The following COL22A1 variants were observed in gnomAD, a reference collection of about 807,000 sequenced individuals.
COL22A1 encodes the protein collagen alpha-1(XXII) chain.
A neutral mutation model predicts 248.9 loss-of-function variants in COL22A1; 221 were observed. The observed-to-expected ratio is 0.89, with a 90% CI of 0.80 to 0.99. COL22A1 has a LOEUF of 0.99. Among genes scored for constraint, COL22A1 ranks in the 50% least tolerant of loss-of-function variants. The probability of loss-of-function intolerance (pLI) is 0.00; values close to 1 mark genes in which losing one functional copy is unlikely to be tolerated. For missense variants in COL22A1, 2,240 were observed against 2,179.0 expected, an observed-to-expected ratio of 1.03 and a Z score of -0.56; for synonymous variants, 891 against 793.4, an observed-to-expected ratio of 1.12 and a Z score of -2.07.
intron 1 of COL22A1, among the ~76,000 whole-genome samples, chr8:138,902,523 C>T (rs62522072): frequency 0.12 from 18,922 of 151,656 alleles, 1,174 homozygotes; most frequent in Middle Eastern, 0.17. Flanking sequence ...TGGTGAAACC[C>T]GGTCTCTACT....
At chr8:138,909,684 G>C (rs1256038376) in intron 1 of COL22A1, among the ~76,000 whole-genome samples, 1 of 152,230 alleles carries the variant, frequency 6.6e-6, no homozygotes, top group Non-Finnish European at 1.5e-5. Flanking sequence ...TGGACAGCAA[G>C]AGGGAGGTAG....
At chr8:138,871,426 C>A (rs1447491692) in intron 3 of COL22A1, among the ~76,000 whole-genome samples, 4 of 152,220 alleles carry the variant, frequency 2.6e-5, no homozygotes, top group African/African-American at 9.6e-5. Context: ...GCCTATCAAT[C>A]TTGGCTTGCA....
chr8:138,615,928 T>C, intron 55 of COL22A1, 73 bp downstream of exon 55: 1 of 1,106,604 alleles, frequency 9.0e-7, no homozygotes, highest in Non-Finnish European at 1.4e-6. Context: ...TGTGGGGCAG[T>C]TTCTGGGTGT....
chr8:138,751,870 T>TGC (rs1336738625), intron 21 of COL22A1, among the ~76,000 whole-genome samples: 1 of 152,210 alleles, frequency 6.6e-6, no homozygotes, highest in Non-Finnish European at 1.5e-5. Flanking sequence ...CCCTGCAGCC[T>TGC]GCTGGCTCAG....
intron 1 of COL22A1, among the ~76,000 whole-genome samples, chr8:138,897,259 T>C (rs557309311): frequency 6.6e-6 from 1 of 151,942 alleles, no homozygotes; most frequent in South Asian, 2.1e-4. Flanking sequence ...CCACAAATAA[T>C]AGCTTAGGCC....
In COL22A1 at chr8:138,614,772, A is replaced by G. The variant is rs1819180506; in HGVS notation, c.3925-852T>C. On this transcript the variant is annotated intron_variant, in intron 55 of 64. Coordinates refer to ENST00000303045, the MANE Select transcript of COL22A1 (RefSeq NM_152888.3). ...CTTTTAGGTGTATGCACAGGGCTCC[A>G]CACACTGATCTTATAAGACAGATTC... is the stretch of plus-strand genomic sequence containing the variant. Among the ~76,000 whole-genome samples the G allele has an allele frequency of 2.0e-5, 3 of 152,314 alleles. No homozygotes were observed. The South Asian group carries it at 6.2e-4, about 32-fold the overall frequency.
At chr8:138,630,853 C>A (rs1374819697) in intron 49 of COL22A1, 105 bp from the exon 50 acceptor site, 5 of 967,152 alleles carry the variant, frequency 5.2e-6, no homozygotes, top group Non-Finnish European at 8.2e-6. Flanking sequence ...GTTATCTGTC[C>A]CCTCCAAATC....
At chr8:138,807,869 C>A in intron 9 of COL22A1, 57 bp from the exon 10 acceptor site, 3 of 1,560,910 alleles carry the variant, frequency 1.9e-6, no homozygotes, top group South Asian at 2.2e-5. Context: ...CCCTTTCTCT[C>A]AACACTGGAT....
chr8:138,671,680 C>T (rs1225076259), intron 41 of COL22A1, among the ~76,000 whole-genome samples: 8 of 152,194 alleles, frequency 5.3e-5, no homozygotes, highest in East Asian at 3.8e-4. Flanking sequence ...GGTTCTTCCA[C>T]GGAGCAGAGA....
intron 36 of COL22A1, among the ~76,000 whole-genome samples, chr8:138,690,324 A>C (rs1215938440): frequency 6.6e-6 from 1 of 152,204 alleles, no homozygotes; most frequent in African/African-American, 2.4e-5. Flanking sequence ...GGGCCTCGAC[A>C]TGGAAAAGGC....
intron 46 of COL22A1, among the ~76,000 whole-genome samples, chr8:138,649,267 A>T (rs970666902): frequency 6.6e-6 from 1 of 152,228 alleles, no homozygotes; most frequent in Non-Finnish European, 1.5e-5. Flanking sequence ...GATTGAATGC[A>T]TGCATGAATG....
chr8:138,590,123 C>A (rs1276082327), intron 64 of COL22A1, among the ~76,000 whole-genome samples: 1 of 152,048 alleles, frequency 6.6e-6, no homozygotes, highest in Non-Finnish European at 1.5e-5. Context: ...ATATAATCAA[C>A]CTATCTTTCT....
intron 9 of COL22A1, among the ~76,000 whole-genome samples, 199 bp from the exon 10 acceptor site, chr8:138,808,011 T>A (rs900718247): frequency 1.3e-5 from 2 of 152,180 alleles, no homozygotes; most frequent in African/African-American, 2.4e-5. Context: ...ACGGGAAGCT[T>A]TGGCACAGCC....
At chr8:138,854,185 G>T (rs912230129) in intron 3 of COL22A1, among the ~76,000 whole-genome samples, 1 of 152,128 alleles carries the variant, frequency 6.6e-6, no homozygotes, top group Non-Finnish European at 1.5e-5. Flanking sequence ...TGTTCTGTTG[G>T]GAGGTTATGA....
At chr8:138,717,562 CA>C (rs112011826) in intron 27 of COL22A1, among the ~76,000 whole-genome samples, 12 of 152,044 alleles carry the variant, frequency 7.9e-5, no homozygotes, top group African/African-American at 2.7e-4. Flanking sequence ...CTCTTGGGCT[CA>C]AAAAATTATC....
chr8:138,883,971 T>C (rs1188659597), intron 1 of COL22A1, among the ~76,000 whole-genome samples: 1 of 152,146 alleles, frequency 6.6e-6, no homozygotes, highest in Non-Finnish European at 1.5e-5. Flanking sequence ...CTGTCCAGCC[T>C]GGCCTCTCAC....
chr8:138,811,689 C>A, intron 9 of COL22A1, 110 bp downstream of exon 9: 1 of 1,288,056 alleles, frequency 7.8e-7, no homozygotes, highest in South Asian at 1.2e-5. Flanking sequence ...CAGCTGACAG[C>A]CATGGGCCTC....
At chr8:138,744,467 TACACACACACACACCAC>T (rs1563700714) in intron 22 of COL22A1, among the ~76,000 whole-genome samples, 1 of 148,058 alleles carries the variant, frequency 6.8e-6, no homozygotes, top group Non-Finnish European at 1.5e-5. Flanking sequence ...TGCACATGGA[TACACACACACACACCAC>T]ACACACACAC....
chr8:138,883,072 G>A lies in COL22A1; in HGVS notation c.91+10C>T, dbSNP rs770934638. 6.4e-7 allele frequency: 1 copy of A among 1,570,832 alleles called. No individual in the cohort carries two copies. Among genetic ancestry groups the A allele is most frequent in the Admixed American group, 1.8e-5 (1 of 54,384 alleles). On this transcript the variant is annotated intron_variant, in intron 2 of 64. Transcript: ENST00000303045. ...CCAGCACAGCATGGCACAGCCCACG[G>A]TGGCCCCACCTGCCCGCTGAGCCTG...
Sources: gnomAD v4.1 joint callset for allele counts (sites outside exome capture counted in the v4.1 genomes callset) on GRCh38, gnomAD v4.1.1 for gene constraint, MANE v1.5 for transcripts, NCBI Gene and HGNC (gene_info 2026-07-23, HGNC 2026-07-21) for gene names.